The following RIMBP2 variants were observed in gnomAD, a reference collection of about 807,000 sequenced individuals.
RIMBP2 encodes RIMS-binding protein 2.
A neutral mutation model predicts 118.6 loss-of-function variants in RIMBP2; 48 were observed. The observed-to-expected ratio is 0.40, with a 90% CI of 0.32 to 0.51. The LOEUF (loss-of-function observed/expected upper bound fraction) is 0.51, where lower values mean the gene tolerates loss of function less well. RIMBP2 is among the 20% of genes least tolerant of loss of function. The pLI, the probability that RIMBP2 is intolerant of heterozygous loss-of-function variation, is 0.41. For missense variants in RIMBP2, 1,551 were observed against 1,768.3 expected, an observed-to-expected ratio of 0.88 and a Z score of 2.20; for synonymous variants, 762 against 742.9, an observed-to-expected ratio of 1.03 and a Z score of -0.42.
chr12:130,625,784 A>T (rs1471665939), intron 2 of RIMBP2, among the ~76,000 whole-genome samples: 1 of 152,238 alleles, frequency 6.6e-6, no homozygotes, highest in Non-Finnish European at 1.5e-5. Context: ...ACCAAAATTT[A>T]AAAATATCAA....
intron 4 of RIMBP2, among the ~76,000 whole-genome samples, chr12:130,504,527 G>A (rs1195968259): frequency 1.3e-5 from 2 of 152,022 alleles, no homozygotes; most frequent in East Asian, 1.9e-4. Flanking sequence ...GGTGGAGCGC[G>A]AGGCCCTGAG....
intron 1 of RIMBP2, among the ~76,000 whole-genome samples, chr12:130,653,072 G>T (rs1357769917): frequency 6.6e-6 from 1 of 152,152 alleles, no homozygotes; most frequent in African/African-American, 2.4e-5. Flanking sequence ...CAAATCTCAT[G>T]TCCTTCTCAT....
intron 1 of RIMBP2, among the ~76,000 whole-genome samples, chr12:130,704,032 G>A (rs1051165379): frequency 5.3e-5 from 8 of 152,058 alleles, no homozygotes; most frequent in African/African-American, 1.9e-4. Flanking sequence ...CTATAAATCG[G>A]AGCCCCATCC....
chr12:130,664,421 GCA>G (rs1183862189), intron 1 of RIMBP2, among the ~76,000 whole-genome samples: 1 of 80,894 alleles, frequency 1.2e-5, no homozygotes, highest in East Asian at 3.2e-4. Context: ...GCACACACAC[GCA>G]CACACATGCA....
At chr12:130,596,217 AAC>A (rs1291741940) in intron 2 of RIMBP2, among the ~76,000 whole-genome samples, 1 of 152,190 alleles carries the variant, frequency 6.6e-6, no homozygotes, top group Non-Finnish European at 1.5e-5. Flanking sequence ...GAAGGCAGAA[AAC>A]AGACACGTGG....
rs143748627 is a variant in RIMBP2, at chr12:130,625,139, TATTAC to T, written c.-217+3178_-217+3182del. ...GTCAAATCAGGGTAATTAGGATATT[TATTAC>T]ATTAATCTTTTTATGCTAGGCACTT... On this transcript the variant is annotated intron_variant, in intron 2 of 22. Transcript: ENST00000690449. 8.6e-3 allele frequency among the ~76,000 whole-genome samples: 1,310 copies of T among 152,350 alleles called. 20 individuals carry two copies. Among genetic ancestry groups the T allele is most frequent in the African/African-American group, 0.028 (1,169 of 41,568 alleles).
At chr12:130,677,840 AT>A in intron 1 of RIMBP2, among the ~76,000 whole-genome samples, 1 of 152,274 alleles carries the variant, frequency 6.6e-6, no homozygotes, top group South Asian at 2.1e-4. Context: ...AGCAATGTTC[AT>A]TTTAAAGCAT....
At chr12:130,403,488 C>CTAAA (rs1340788121) in intron 21 of RIMBP2, among the ~76,000 whole-genome samples, 1 of 152,126 alleles carries the variant, frequency 6.6e-6, no homozygotes, top group Non-Finnish European at 1.5e-5. Context: ...ATGTGAAAAT[C>CTAAA]TAAATGAAAA....
chr12:130,615,163 GTATAT>G (rs1032511838), intron 2 of RIMBP2, among the ~76,000 whole-genome samples: 7 of 143,648 alleles, frequency 4.9e-5, no homozygotes, highest in African/African-American at 1.8e-4. Context: ...ATATTATATT[GTATAT>G]TATATAATAT....
chr12:130,584,220 CCACCATCACTTCACCACCACCAT>C (rs796882668), intron 2 of RIMBP2, among the ~76,000 whole-genome samples: 7,030 of 72,706 alleles, frequency 0.097, 1,181 homozygotes, highest in Non-Finnish European at 0.14. Context: ...CACCTCACCA[CCACCATCACTTCACCACCACCAT>C]CACCATCACC....
chr12:130,492,871 T>C (rs2048771291), intron 4 of RIMBP2, among the ~76,000 whole-genome samples: 1 of 152,244 alleles, frequency 6.6e-6, no homozygotes, highest in Non-Finnish European at 1.5e-5. Context: ...AGCTCACGCC[T>C]GTAATCCCAG....
rs560794267 is a variant in RIMBP2, at chr12:130,453,562, C to T, written c.359-2222G>A. 4.6e-5 allele frequency among the ~76,000 whole-genome samples: 7 copies of T among 152,362 alleles called. No homozygotes were observed. The East Asian group carries it at 7.7e-4, about 17-fold the overall frequency. ...GATGCACCTGGAGGACTCTCTGCTA[C>T]GTGGAGTAACCCAGGCACAGAGATA... On this transcript the variant is annotated intron_variant, in intron 7 of 22. Coordinates refer to ENST00000690449, the MANE Select transcript of RIMBP2 (RefSeq NM_001393629.1).
intron 17 of RIMBP2, among the ~76,000 whole-genome samples, chr12:130,415,751 A>C (rs968872461): frequency 6.6e-6 from 1 of 152,192 alleles, no homozygotes; most frequent in African/African-American, 2.4e-5. Context: ...TATAGGAAAT[A>C]AGAAGTCAAA....
chr12:130,572,199 G>GCCAGGGAGACACAGGTCCCCAGCCC (rs72004925), intron 2 of RIMBP2, among the ~76,000 whole-genome samples: 1 of 151,848 alleles, frequency 6.6e-6, no homozygotes. Context: ...GGACAAAGCG[G>GCCAGGGAGACACAGGTCCCCAGCCC]CCGGAAAACC....
At chr12:130,607,016 G>A (rs927980718) in intron 2 of RIMBP2, among the ~76,000 whole-genome samples, 1 of 152,060 alleles carries the variant, frequency 6.6e-6, no homozygotes, top group Non-Finnish European at 1.5e-5. Flanking sequence ...ATTTTTAGTA[G>A]AGATGGAGTA....
chr12:130,711,751 T>A (rs1462670447), intron 1 of RIMBP2, among the ~76,000 whole-genome samples: 1 of 152,234 alleles, frequency 6.6e-6, no homozygotes, highest in Admixed American at 6.5e-5. Context: ...GTGACTGGCT[T>A]GTTCAAAGAT....
chr12:130,666,566 A>C (rs949456430), intron 1 of RIMBP2, among the ~76,000 whole-genome samples: 2 of 152,156 alleles, frequency 1.3e-5, no homozygotes, highest in African/African-American at 4.8e-5. Context: ...CCTGTGTCCT[A>C]CAAAGGAGAG....
chr12:130,441,112 A>G (rs2078083677), intron 11 of RIMBP2, among the ~76,000 whole-genome samples: 2 of 152,118 alleles, frequency 1.3e-5, no homozygotes, highest in South Asian at 4.1e-4. Flanking sequence ...TCTTTTATAC[A>G]AGCCACGTAT....
At chr12:130,660,772 C>G (rs1034751802) in intron 1 of RIMBP2, 3 of 152,220 alleles carry the variant, frequency 2.0e-5, no homozygotes, top group Admixed American at 1.3e-4. Context: ...CGCCAGAGCC[C>G]CTTGAACCCA....
Sources: gnomAD v4.1 joint callset for allele counts (sites outside exome capture counted in the v4.1 genomes callset) on GRCh38, gnomAD v4.1.1 for gene constraint, MANE v1.5 for transcripts, NCBI Gene and HGNC (gene_info 2026-07-23, HGNC 2026-07-21) for gene names.